The following ANKRD26 variants were observed in gnomAD, a reference collection of about 807,000 sequenced individuals.
The protein encoded by ANKRD26 is ankyrin repeat domain 26.
In ANKRD26, 141 loss-of-function variants were observed where a neutral mutation model predicts 208.7. The observed-to-expected ratio is 0.68, with a 90% CI of 0.59 to 0.78. The LOEUF is 0.78. Among genes scored for constraint, ANKRD26 ranks in the 30% least tolerant of loss-of-function variants. ANKRD26 has a pLI of 0.00. For missense variants in ANKRD26, 1,889 were observed against 1,938.7 expected, an observed-to-expected ratio of 0.97 and a Z score of 0.48; for synonymous variants, 636 against 660.4, an observed-to-expected ratio of 0.96 and a Z score of 0.57.
At chr10:27,028,967 A>C in intron 26 of ANKRD26, 22 bp from the exon 27 acceptor site, 1 of 1,551,214 alleles carries the variant, frequency 6.4e-7, no homozygotes, top group Non-Finnish European at 8.8e-7. Context: ...ATTTTAAAAT[A>C]ATTATTCTCA....
chr10:27,027,984 T>C (rs2053722524), intron 27 of ANKRD26, among the ~76,000 whole-genome samples: 1 of 152,226 alleles, frequency 6.6e-6, no homozygotes, highest in Non-Finnish European at 1.5e-5. Flanking sequence ...GACTTTGTGT[T>C]AGATGATTTT....
At chr10:27,045,071 A>G (rs1375259837) in intron 18 of ANKRD26, among the ~76,000 whole-genome samples, 1 of 152,200 alleles carries the variant, frequency 6.6e-6, no homozygotes, top group African/African-American at 2.4e-5. Context: ...TATTTTTTCT[A>G]AAGAAATTCA....
intron 6 of ANKRD26, chr10:27,081,018 C>T: frequency 5.5e-6 from 5 of 914,462 alleles, no homozygotes; most frequent in Non-Finnish European, 6.5e-6. Flanking sequence ...ACTTGAGGGG[C>T]TCAAAGCCAC....
At chr10:27,061,881 G>T in intron 12 of ANKRD26, 1 of 934,032 alleles carries the variant, frequency 1.1e-6, no homozygotes, top group Non-Finnish European at 1.3e-6. Context: ...ATATATCTTT[G>T]ATGTCTGATA....
intron 9 of ANKRD26, among the ~76,000 whole-genome samples, chr10:27,070,438 G>A (rs1337163613): frequency 6.6e-6 from 1 of 152,032 alleles, no homozygotes; most frequent in African/African-American, 2.4e-5. Context: ...TATCCAAGTT[G>A]AAGATTTAAA....
At position 27,035,281 on chromosome 10, in the gene ANKRD26, C is replaced by A. The variant is rs969387790; in HGVS notation, c.3169G>T (p.Asp1057Tyr). Reference protein sequence around the residue: ...KMNFDVSNLKDNNEILSQQLF... With the variant: ...KMNFDVSNLKYNNEILSQQLF... The stretch of plus-strand genomic sequence containing the variant: ...TGTTGAGAAAGAATCTCATTGTTAT[C>A]TTTTAGGTTAGACACATCAAAATTC... Residue 1057 changes from aspartate (D) to tyrosine (Y), a missense_variant, in exon 24 of 34, where the codon GAT becomes TAT. Physicochemically the swap from Asp to Tyr is radical, Grantham distance 160. This residue lies in a region of ANKRD26 where 1,272 missense variants were observed against 1,273.8 expected (regional missense o/e 1.00). Transcript: ENST00000376087. 1.9e-6 allele frequency: 3 copies of A among 1,613,714 alleles called. No homozygotes were observed. The highest frequency in any genetic ancestry group is 2.5e-6 in the Non-Finnish European group (3 of 1,179,878).
rs2134605861 is a variant in ANKRD26 at position 26,976,536 on chromosome 10, A to G, written c.*282-494T>C. Reference sequence around the variant, plus strand: ...AACCATATCTTGTATGTTTCCAAGGATGTTTGCACAGCAAACATAGGAATA... The same window carrying G: ...AACCATATCTTGTATGTTTCCAAGGGTGTTTGCACAGCAAACATAGGAATA... On this transcript the variant is annotated intron_variant and NMD_transcript_variant, in intron 5 of 5. Coordinates refer to the ANKRD26 transcript ENST00000674670. Among the ~76,000 whole-genome samples the G allele has an allele frequency of 1.3e-5, 2 of 152,202 alleles. 1 individual carries two copies. The highest frequency in any genetic ancestry group is 6.8e-3 in the Middle Eastern group (2 of 294).
chr10:27,055,694 TA>T (rs1182336476), intron 15 of ANKRD26, among the ~76,000 whole-genome samples: 2 of 152,122 alleles, frequency 1.3e-5, no homozygotes, highest in Non-Finnish European at 2.9e-5. Context: ...AACTATTCAT[TA>T]AAACAAGGTG....
intron 32 of ANKRD26, among the ~76,000 whole-genome samples, chr10:27,009,190 A>G (rs1351943668): frequency 2.6e-5 from 4 of 152,122 alleles, no homozygotes; most frequent in Admixed American, 6.5e-5. Context: ...ACTACTTTTG[A>G]GAAAAGGACA....
At chr10:27,012,786 T>C in intron 32 of ANKRD26, 96 bp downstream of exon 32, 1 of 1,259,926 alleles carries the variant, frequency 7.9e-7, no homozygotes, top group East Asian at 2.4e-5. Flanking sequence ...CACTCCAGCC[T>C]GGACAACAGA....
intron 16 of ANKRD26, chr10:27,051,234 C>G (rs750078141): frequency 1.6e-6 from 2 of 1,289,650 alleles, no homozygotes; most frequent in Non-Finnish European, 2.0e-6. Flanking sequence ...AGGTTCCATG[C>G]TTTTATAGTT....
At chr10:26,960,163 G>T in the ANKRD26 span, among the ~76,000 whole-genome samples, 7 of 152,070 alleles carry the variant, frequency 4.6e-5, 1 homozygote, top group Admixed American at 3.9e-4. Flanking sequence ...AAAAAAAAGG[G>T]GGGGTAGTGT....
chr10:27,048,148 A>G (rs2054524043), intron 17 of ANKRD26, among the ~76,000 whole-genome samples: 1 of 152,194 alleles, frequency 6.6e-6, no homozygotes, highest in African/African-American at 2.4e-5. Context: ...GTTGAGCATG[A>G]GCCCCTAAAA....
In ANKRD26 at chr10:27,043,579, A is replaced by T. The variant is rs1306119342; in HGVS notation, c.2020-12T>A. ...ATTTGGTTTTTGACCTATGAAATAA[A>T]TAACACTGTTTCAAAATGTCCCCAG... On this transcript the variant is annotated splice_polypyrimidine_tract_variant and intron_variant, in intron 19 of 33. Coordinates refer to ENST00000376087, the MANE Select transcript of ANKRD26 (RefSeq NM_014915.3). 6.2e-7 allele frequency: 1 copy of T among 1,610,034 alleles called. No individual in the cohort carries two copies. The highest frequency in any genetic ancestry group is 8.5e-7 in the Non-Finnish European group (1 of 1,176,728).
intron 31 of ANKRD26, 32 bp downstream of exon 31, chr10:27,014,462 T>C: frequency 1.4e-6 from 2 of 1,468,802 alleles, no homozygotes; most frequent in Non-Finnish European, 9.4e-7. Flanking sequence ...ATGAGCTTAA[T>C]TTATTTCCTA....
chr10:27,049,519 T>C (rs948807281), intron 16 of ANKRD26, among the ~76,000 whole-genome samples: 1 of 152,150 alleles, frequency 6.6e-6, no homozygotes, highest in African/African-American at 2.4e-5. Context: ...CTCACTGAAA[T>C]ACAGAAACCA....
At chr10:26,997,762 C>T (rs1007627877) in intron 4 of ANKRD26, among the ~76,000 whole-genome samples, 8 of 152,246 alleles carry the variant, frequency 5.3e-5, no homozygotes, top group Admixed American at 3.3e-4. Flanking sequence ...CCATGTGTTT[C>T]GGAGAAAATG....
intron 27 of ANKRD26, 38 bp downstream of exon 27, chr10:27,028,814 T>C: frequency 6.6e-7 from 1 of 1,510,934 alleles, no homozygotes; most frequent in Non-Finnish European, 9.2e-7. Context: ...GCAATAAAAT[T>C]CCTTTTCAGT....
chr10:27,009,490 T>C (rs561022439), intron 32 of ANKRD26, among the ~76,000 whole-genome samples: 1 of 152,268 alleles, frequency 6.6e-6, no homozygotes, highest in South Asian at 2.1e-4. Flanking sequence ...TTGTCTCCAG[T>C]TAAATAACTT....
Sources: allele counts gnomAD v4.1 joint callset (sites outside exome capture counted in the v4.1 genomes callset), GRCh38; gene constraint gnomAD v4.1.1; regional missense constraint gnomAD v4.1.1; transcripts MANE v1.5; gene names NCBI Gene and HGNC (gene_info 2026-07-23, HGNC 2026-07-21).